Variants in KIFAP3 observed in about 807,000 individuals in gnomAD.
KIFAP3 encodes the protein kinesin associated protein 3, also known as kinesin-associated protein 3.
Under a neutral mutation model 106.5 loss-of-function variants are expected in KIFAP3, and 68 were observed. The ratio of observed to expected loss-of-function variants is 0.64; its 90% CI spans 0.53 to 0.78. The LOEUF (loss-of-function observed/expected upper bound fraction) is 0.78, where lower values mean the gene tolerates loss of function less well. KIFAP3 is among the 30% of genes least tolerant of loss of function. The pLI is 0.00. For synonymous variants in KIFAP3, 320 were observed against 311.5 expected, an observed-to-expected ratio of 1.03 and a Z score of -0.29; for missense variants, 780 against 941.8, an observed-to-expected ratio of 0.83 and a Z score of 2.25.
intron 19 of KIFAP3, among the ~76,000 whole-genome samples, chr1:169,926,965 T>C (rs1571503022): frequency 1.3e-5 from 2 of 152,328 alleles, no homozygotes; most frequent in African/African-American, 4.8e-5. Context: ...TAAAACTGTA[T>C]GAAATTACTT....
At chr1:169,940,897 CTTGT>C (rs1664067347) in intron 19 of KIFAP3, among the ~76,000 whole-genome samples, 2 of 150,920 alleles carry the variant, frequency 1.3e-5, no homozygotes, top group Non-Finnish European at 1.5e-5. Context: ...AGCAGTTGCA[CTTGT>C]TTAAGAATTA....
intron 10 of KIFAP3, among the ~76,000 whole-genome samples, chr1:170,007,613 TAA>T (rs1255619802): frequency 2.6e-5 from 4 of 151,898 alleles, no homozygotes; most frequent in Non-Finnish European, 5.9e-5. Context: ...CTCAACGAAA[TAA>T]GAGAGGGCAC....
intron 3 of KIFAP3, 35 bp from the exon 4 acceptor site, chr1:170,039,323 G>T: frequency 8.4e-7 from 1 of 1,195,950 alleles, no homozygotes; most frequent in Non-Finnish European, 1.2e-6. Flanking sequence ...AGGAGACTTA[G>T]GTTTTTAGGG....
chr1:170,049,372 A>G (rs1441022071), intron 2 of KIFAP3, among the ~76,000 whole-genome samples: 1 of 152,156 alleles, frequency 6.6e-6, no homozygotes, highest in East Asian at 1.9e-4. Flanking sequence ...ACCTGGCAGG[A>G]GGGGTGGCTG....
Position 169,983,400 on chromosome 1 carries a change from C to G in KIFAP3, c.1394-18G>C. 1 of 1,531,910 alleles carries G rather than the reference C, an allele frequency of 6.5e-7. No homozygotes were observed. The highest frequency in any genetic ancestry group is 9.0e-7 in the Non-Finnish European group (1 of 1,113,588). The allele number at this position is 1,531,910 out of a possible 1,614,324, so 94.9% of individuals were successfully genotyped here. On this transcript the variant is annotated intron_variant, in intron 12 of 19. Transcript: ENST00000361580. ...CCCATTTCCTGAAACAGAAAAGTCCCCCAATAAAATTAAGGTTAGCTTAAG... is the reference window on the plus strand; with the variant it reads ...CCCATTTCCTGAAACAGAAAAGTCCGCCAATAAAATTAAGGTTAGCTTAAG...
chr1:169,971,295 A>T (rs775052641), intron 17 of KIFAP3, among the ~76,000 whole-genome samples: 2 of 151,948 alleles, frequency 1.3e-5, no homozygotes, highest in Non-Finnish European at 2.9e-5. Flanking sequence ...TTGTTCTTAT[A>T]CTATATACTT....
At chr1:170,048,730 G>A (rs181720366) in intron 2 of KIFAP3, among the ~76,000 whole-genome samples, 1 of 152,034 alleles carries the variant, frequency 6.6e-6, no homozygotes, top group East Asian at 2.0e-4. Flanking sequence ...CACCCAGGAA[G>A]TGCAAGGAGC....
intron 2 of KIFAP3, among the ~76,000 whole-genome samples, chr1:170,052,424 T>C (rs927894889): frequency 2.6e-5 from 4 of 151,440 alleles, no homozygotes; most frequent in Admixed American, 1.3e-4. Flanking sequence ...CAAAGAGGAG[T>C]GGGTACCATT....
intron 1 of KIFAP3, chr1:170,068,585 C>T (rs1418187499): frequency 2.0e-5 from 3 of 150,614 alleles, no homozygotes; most frequent in Non-Finnish European, 4.4e-5. Flanking sequence ...TATGGAACAC[C>T]ATCTAGTATA....
At chr1:170,022,151 T>A (rs956548109) in intron 9 of KIFAP3, among the ~76,000 whole-genome samples, 1 of 151,812 alleles carries the variant, frequency 6.6e-6, no homozygotes, top group African/African-American at 2.4e-5. Context: ...GGTTTCACCA[T>A]GTTGGCAGGC....
At chr1:169,998,401 C>T (rs1269887844) in intron 10 of KIFAP3, among the ~76,000 whole-genome samples, 80 of 102,286 alleles carry the variant, frequency 7.8e-4, no homozygotes, top group South Asian at 7.5e-3. Flanking sequence ...TATATATATA[C>T]ACACACACAC....
In KIFAP3 at chr1:170,024,614, A is replaced by C. The variant is rs765197151; in HGVS notation, c.842-18T>G. On this transcript the variant is annotated intron_variant, in intron 8 of 19. Coordinates refer to ENST00000361580, the MANE Select transcript of KIFAP3 (RefSeq NM_014970.4). The stretch of plus-strand genomic sequence containing the variant: ...AAGAGCAACTAGAAAAGTAAAATAT[A>C]TGAGAGATAAAGAATTAGTATACTG... The C allele has an allele frequency of 6.9e-7, 1 of 1,448,950 alleles. No individual in the cohort carries two copies. The highest frequency in any genetic ancestry group is 9.3e-7 in the Non-Finnish European group (1 of 1,073,608). The allele number at this position is 1,448,950 out of a possible 1,614,324, so 89.8% of individuals were successfully genotyped here. A position where few individuals can be genotyped will look rare whatever the true frequency, so the allele number is the denominator to read the frequency against.
At chr1:170,009,419 T>C (rs933045935) in intron 10 of KIFAP3, among the ~76,000 whole-genome samples, 3 of 152,126 alleles carry the variant, frequency 2.0e-5, no homozygotes, top group Non-Finnish European at 4.4e-5. Context: ...CTTTTATTAT[T>C]ATTATTATTA....
chr1:170,015,811 G>C lies in KIFAP3; in HGVS notation c.1183+651C>G, dbSNP rs74878120. 6.1e-3 allele frequency among the ~76,000 whole-genome samples: 933 copies of C among 152,286 alleles called. 12 individuals carry two copies. Among genetic ancestry groups the C allele is most frequent in the African/African-American group, 0.021 (890 of 41,556 alleles). On this transcript the variant is annotated intron_variant, in intron 10 of 19. Transcript: ENST00000361580. ...GCCCTACTAAGAAAGTTAGCATTAT[G>C]TTGACTGCACAATGTTAACTCTTCA...
At chr1:169,980,737 A>G (rs911432794) in intron 15 of KIFAP3, among the ~76,000 whole-genome samples, 1 of 152,204 alleles carries the variant, frequency 6.6e-6, no homozygotes, top group African/African-American at 2.4e-5. Flanking sequence ...CCAACTTAGA[A>G]ATCAAGTTTT....
chr1:170,056,031 T>G (rs1670835621), intron 1 of KIFAP3, among the ~76,000 whole-genome samples: 2 of 151,954 alleles, frequency 1.3e-5, no homozygotes, highest in Non-Finnish European at 2.9e-5. Context: ...AATTGCAGGC[T>G]GAGGCGGGAG....
intron 10 of KIFAP3, among the ~76,000 whole-genome samples, chr1:170,003,146 A>C (rs1361657953): frequency 6.6e-6 from 1 of 152,216 alleles, no homozygotes; most frequent in African/African-American, 2.4e-5. Flanking sequence ...GCAAATTTTT[A>C]TTATTACATT....
At position 170,024,559 on chromosome 1, in the gene KIFAP3, A is replaced by G. The variant is rs747731452; in HGVS notation, c.879T>C (p.Thr293=). The change falls in exon 9 of 20, where the codon ACT becomes ACC. Residue 293 remains threonine, a synonymous_variant. Transcript: ENST00000361580. ...TGTTCCTCATTTTCAGTTCGGTACG[A>G]GTATCCTCAGCAAGATTCAGAAGCA... The part of the protein sequence containing the change: ...LYLLLNLAED[T]RTELKMRNKN... The G allele has an allele frequency of 5.0e-6, 8 of 1,595,426 alleles. No individual in the cohort carries two copies. The South Asian group carries it at 9.2e-5, about 18-fold the overall frequency.
chr1:170,082,871 G>A (rs1337623472), intron 1 of KIFAP3, among the ~76,000 whole-genome samples: 1 of 152,140 alleles, frequency 6.6e-6, no homozygotes, highest in South Asian at 2.1e-4. Flanking sequence ...TACTTGGGAG[G>A]CTGAGGCATG....
Sources: allele counts gnomAD v4.1 joint callset (sites outside exome capture counted in the v4.1 genomes callset), GRCh38; gene constraint gnomAD v4.1.1; transcripts MANE v1.5; gene names NCBI Gene and HGNC (gene_info 2026-07-23, HGNC 2026-07-21).